Variants in CSMD1 observed in about 807,000 individuals in gnomAD.
The protein encoded by CSMD1 is CUB and Sushi multiple domains 1, also known as CUB and sushi domain-containing protein 1.
A neutral mutation model predicts 417.5 loss-of-function variants in CSMD1; 213 were observed. The observed-to-expected ratio is 0.51, with a 90% CI of 0.46 to 0.57. The LOEUF (loss-of-function observed/expected upper bound fraction) is 0.57, where lower values mean the gene tolerates loss of function less well. CSMD1 is among the 20% of genes least tolerant of loss of function. The pLI is 0.00. For missense variants in CSMD1, 6,923 were observed against 4,529.7 expected (o/e 1.53, Z -15.17); for synonymous variants, 2,862 against 1,736.8 (o/e 1.65, Z -16.11).
At chr8:4,668,856 T>C (rs1159152895) in intron 1 of CSMD1, among the ~76,000 whole-genome samples, 1 of 152,198 alleles carries the variant, frequency 6.6e-6, no homozygotes, top group Non-Finnish European at 1.5e-5. Context: ...ACCATGTTTA[T>C]CTCTGTATTT....
At chr8:4,575,703 T>C (rs934577408) in intron 2 of CSMD1, among the ~76,000 whole-genome samples, 3 of 152,226 alleles carry the variant, frequency 2.0e-5, no homozygotes, top group African/African-American at 4.8e-5. Flanking sequence ...ATTTAAAATA[T>C]GTTAATAAAT....
chr8:4,298,195 A>C (rs944251330), intron 3 of CSMD1, among the ~76,000 whole-genome samples: 16 of 152,174 alleles, frequency 1.1e-4, no homozygotes, highest in African/African-American at 3.9e-4. Flanking sequence ...GCCTTAGTTA[A>C]ATGAAGTTTC....
At chr8:4,942,536 A>C (rs1808078062) in intron 1 of CSMD1, among the ~76,000 whole-genome samples, 1 of 152,358 alleles carries the variant, frequency 6.6e-6, no homozygotes, top group African/African-American at 2.4e-5. Flanking sequence ...TCTATTAAAT[A>C]ATGTACAGAT....
chr8:4,682,569 G>C (rs946777103), intron 1 of CSMD1, among the ~76,000 whole-genome samples: 1 of 151,978 alleles, frequency 6.6e-6, no homozygotes, highest in Non-Finnish European at 1.5e-5. Context: ...AAACAGATAA[G>C]ATAATACATA....
At chr8:3,421,078 G>C (rs573981681) in intron 12 of CSMD1, among the ~76,000 whole-genome samples, 66 of 152,228 alleles carry the variant, frequency 4.3e-4, no homozygotes, top group African/African-American at 1.5e-3. Context: ...TGAAGACGAA[G>C]CTTCATTTGC....
intron 7 of CSMD1, among the ~76,000 whole-genome samples, chr8:3,657,872 A>T (rs1174361557): frequency 3.3e-5 from 5 of 152,084 alleles, no homozygotes; most frequent in Admixed American, 3.3e-4. Context: ...TATAAACAAA[A>T]ATCCTCTTGA....
intron 7 of CSMD1, among the ~76,000 whole-genome samples, chr8:3,673,303 G>A (rs1447685329): frequency 6.6e-6 from 1 of 152,124 alleles, no homozygotes; most frequent in African/African-American, 2.4e-5. Flanking sequence ...CTACAAGCCT[G>A]CTTAACAGGT....
rs1017707667 is a variant in CSMD1 at position 4,284,977 on chromosome 8, C to T, written c.415+134976G>A. 1.5e-4 allele frequency among the ~76,000 whole-genome samples: 23 copies of T among 152,322 alleles called. No homozygotes were observed. In the Middle Eastern group the frequency reaches 0.027, roughly 180 times the overall value. ...AAAGTAACCTCACCTCACCTCGCCT[C>T]ACCATGCCTCGGTTCCTTTATTTGT... On this transcript the variant is annotated intron_variant, in intron 3 of 69. Transcript: ENST00000635120.
At chr8:4,094,413 G>C (rs1800890523) in intron 3 of CSMD1, among the ~76,000 whole-genome samples, 1 of 152,240 alleles carries the variant, frequency 6.6e-6, no homozygotes, top group African/African-American at 2.4e-5. Flanking sequence ...TGGCAAGGCA[G>C]GGCGGTCAGG....
chr8:4,146,252 AT>A (rs1306656638), intron 3 of CSMD1, among the ~76,000 whole-genome samples: 3 of 151,144 alleles, frequency 2.0e-5, no homozygotes, highest in South Asian at 2.1e-4. Context: ...CAGGACCCTC[AT>A]CCACTCGAGG....
At chr8:4,088,969 C>G (rs1314085800) in intron 3 of CSMD1, among the ~76,000 whole-genome samples, 1 of 152,014 alleles carries the variant, frequency 6.6e-6, no homozygotes, top group Non-Finnish European at 1.5e-5. Flanking sequence ...GGTCACACAC[C>G]CCTGTTCTGT....
At chr8:4,011,136 C>T (rs1310246656) in intron 4 of CSMD1, among the ~76,000 whole-genome samples, 1 of 152,132 alleles carries the variant, frequency 6.6e-6, no homozygotes, top group Admixed American at 6.5e-5. Flanking sequence ...AATCTATAAC[C>T]TTCAATTTTG....
chr8:4,150,229 T>C lies in CSMD1; in HGVS notation c.416-118130A>G, dbSNP rs541797917. Among the ~76,000 whole-genome samples the C allele has an allele frequency of 5.4e-3, 824 of 152,280 alleles. 3 individuals are homozygous for C. Among genetic ancestry groups the C allele is most frequent in the Non-Finnish European group, 8.0e-3 (547 of 68,016 alleles). On this transcript the variant is annotated intron_variant, in intron 3 of 69. Transcript: ENST00000635120. ...GATCGGCCCCAGGAAAACAGGGCCA[T>C]TTTTCCATCATGCACCTCCCTCCAG...
intron 3 of CSMD1, among the ~76,000 whole-genome samples, chr8:4,168,786 C>T (rs775309974): frequency 6.6e-6 from 1 of 152,060 alleles, no homozygotes; most frequent in African/African-American, 2.4e-5. Flanking sequence ...ATAAAACTCT[C>T]CTCTTCCCTT....
intron 3 of CSMD1, among the ~76,000 whole-genome samples, chr8:4,232,152 CTTCAAAA>C (rs1259251869): frequency 6.6e-6 from 1 of 152,144 alleles, no homozygotes; most frequent in Admixed American, 6.6e-5. Flanking sequence ...CTTTTCTAAA[CTTCAAAA>C]TCCAAGTGTA....
chr8:3,097,020 C>A lies in CSMD1; in HGVS notation c.6967G>T (p.Glu2323Ter). The A allele has an allele frequency of 6.5e-7, 1 of 1,546,846 alleles. No homozygotes were observed. Among genetic ancestry groups the A allele is most frequent in the Non-Finnish European group, 8.7e-7 (1 of 1,145,684 alleles). The change falls in exon 47 of 70, where the codon GAA (glutamate) becomes TAA (stop). Residue 2323 changes from glutamate to a stop codon, truncating the protein, a stop_gained. Coordinates refer to ENST00000635120, the MANE Select transcript of CSMD1 (RefSeq NM_033225.6). LOFTEE classifies it high-confidence loss of function. ...ACTCCCGATGATCCAGTCCGGACTT[C>A]ATTTGCTGGGCATTGTGCTGGAGAG... The part of the protein sequence containing the change: ...PTCEAQCPAN[E>*]VRTGSSGVIL...
chr8:2,972,952 C>T (rs1804590213), intron 57 of CSMD1, among the ~76,000 whole-genome samples, 165 bp downstream of exon 57: 3 of 152,136 alleles, frequency 2.0e-5, no homozygotes, highest in Non-Finnish European at 2.9e-5. Context: ...CTCCATGCAC[C>T]CAGTCATGAT....
chr8:3,822,403 T>C (rs1801788968), intron 5 of CSMD1, among the ~76,000 whole-genome samples: 2 of 152,182 alleles, frequency 1.3e-5, no homozygotes, highest in South Asian at 4.1e-4. Context: ...GTCTGAAACC[T>C]TGGGCATTTT....
intron 11 of CSMD1, among the ~76,000 whole-genome samples, chr8:3,482,222 G>C (rs11785476): frequency 0.78 from 119,053 of 152,082 alleles, 47,225 homozygotes; most frequent in African/African-American, 0.91. Flanking sequence ...ATATGCCACT[G>C]AAATATCAGA....
Sources: gnomAD v4.1 joint callset for allele counts (sites outside exome capture counted in the v4.1 genomes callset) on GRCh38, gnomAD v4.1.1 for gene constraint, MANE v1.5 for transcripts, NCBI Gene and HGNC (gene_info 2026-07-23, HGNC 2026-07-21) for gene names.